ADCY1: variants seen among roughly 807,000 people sequenced by gnomAD.
ADCY1 encodes the protein adenylate cyclase type 1.
In ADCY1, 28 loss-of-function variants were observed where a neutral mutation model predicts 105.4. That is an observed-to-expected ratio of 0.27 (90% CI 0.20 to 0.36). The LOEUF is 0.36. ADCY1 is among the 10% of genes least tolerant of loss of function. The probability of loss-of-function intolerance (pLI) is 1.00; values close to 1 mark genes in which losing one functional copy is unlikely to be tolerated. For missense variants in ADCY1, 977 were observed against 1,434.2 expected, an observed-to-expected ratio of 0.68 and a Z score of 5.15; for synonymous variants, 655 against 623.8, an observed-to-expected ratio of 1.05 and a Z score of -0.75.
At chr7:45,677,784 G>C (rs1332086173) in intron 8 of ADCY1, 85 bp from the exon 9 acceptor site, 2 of 1,420,892 alleles carry the variant, frequency 1.4e-6, no homozygotes, top group Non-Finnish European at 1.9e-6. Context: ...CCCTGCAGCG[G>C]ATCTGGCTGG....
chr7:45,627,849 G>T (rs1432664750), intron 4 of ADCY1, among the ~76,000 whole-genome samples: 2 of 152,156 alleles, frequency 1.3e-5, no homozygotes, highest in African/African-American at 2.4e-5. Flanking sequence ...GAATCCACTC[G>T]TGGGGAGATG....
rs1330456869 is a variant in ADCY1, at chr7:45,717,880, ACT to A, written c.*3888_*3889del. ...TGGAACACCTGTCATAGAAGCAATA[ACT>A]CTAACTCTATACTGTAGAGATGAGT... On this transcript the variant is annotated 3_prime_UTR_variant, in exon 20 of 20. Coordinates refer to ENST00000297323, the MANE Select transcript of ADCY1 (RefSeq NM_021116.4). The A allele has an allele frequency of 1.3e-5, 2 of 152,578 alleles. No homozygotes were observed. Among genetic ancestry groups the A allele is most frequent in the Non-Finnish European group, 2.9e-5 (2 of 68,044 alleles). 9.5% of individuals were successfully genotyped at this position (152,578 alleles called of 1,614,324 possible).
chr7:45,668,032 A>T (rs565662053), intron 8 of ADCY1, among the ~76,000 whole-genome samples: 2 of 152,340 alleles, frequency 1.3e-5, no homozygotes, highest in South Asian at 4.1e-4. Context: ...TTTTGGGCTG[A>T]GATGATGGGG....
intron 4 of ADCY1, among the ~76,000 whole-genome samples, chr7:45,644,466 C>T (rs1794607541): frequency 6.6e-6 from 1 of 152,244 alleles, no homozygotes; most frequent in Non-Finnish European, 1.5e-5. Context: ...TGCAAGCTGG[C>T]CGCAGCTCTT....
intron 2 of ADCY1, among the ~76,000 whole-genome samples, chr7:45,601,869 A>G (rs986067771): frequency 1.3e-5 from 2 of 152,100 alleles, no homozygotes; most frequent in Non-Finnish European, 2.9e-5. Context: ...GAAACCCTCC[A>G]GCAGTGTGGA....
At chr7:45,586,007 T>G (rs1792711766) in intron 1 of ADCY1, among the ~76,000 whole-genome samples, 2 of 152,256 alleles carry the variant, frequency 1.3e-5, no homozygotes, top group Non-Finnish European at 2.9e-5. Flanking sequence ...GGGAGCGGAC[T>G]GTCTTTGATG....
chr7:45,668,087 G>T (rs1258101973), intron 8 of ADCY1, among the ~76,000 whole-genome samples: 1 of 152,216 alleles, frequency 6.6e-6, no homozygotes, highest in African/African-American at 2.4e-5. Context: ...GGGACAATTT[G>T]ACTTCCTCTT....
Position 45,686,789 on chromosome 7 carries a change from G to C in ADCY1, c.2454+116G>C. Reference sequence around the variant, plus strand: ...CCCACACGCCGTATGGCCCTCGGAGGGCCCTCCTCAGCAGCATGCAAGCCA... The same window carrying C: ...CCCACACGCCGTATGGCCCTCGGAGCGCCCTCCTCAGCAGCATGCAAGCCA... On this transcript the variant is annotated intron_variant, in intron 14 of 19. Coordinates refer to ENST00000297323, the MANE Select transcript of ADCY1 (RefSeq NM_021116.4). This position sits in a 1 kb window ranked among gnomAD's most constrained non-coding sequence, Gnocchi z 4.3. The C allele has an allele frequency of 7.0e-7, 1 of 1,419,184 alleles. No individual in the cohort carries two copies. The highest frequency in any genetic ancestry group is 9.3e-7 in the Non-Finnish European group (1 of 1,072,432). The allele number at this position is 1,419,184 out of a possible 1,614,324, so 87.9% of individuals were successfully genotyped here. A position where few individuals can be genotyped will look rare whatever the true frequency, so the allele number is the denominator to read the frequency against.
At chr7:45,709,539 C>G (rs895662733) in intron 18 of ADCY1, among the ~76,000 whole-genome samples, 1 of 152,336 alleles carries the variant, frequency 6.6e-6, no homozygotes, top group East Asian at 1.9e-4. Flanking sequence ...TGGGGTTCTT[C>G]TCTGAGTTTA....
chr7:45,670,492 G>A (rs969268267), intron 8 of ADCY1, among the ~76,000 whole-genome samples: 1 of 152,172 alleles, frequency 6.6e-6, no homozygotes, highest in South Asian at 2.1e-4. Context: ...ATGTCCATTA[G>A]CACCAACCGG....
chr7:45,651,948 G>GA (rs1794822673), intron 5 of ADCY1, among the ~76,000 whole-genome samples: 1 of 152,184 alleles, frequency 6.6e-6, no homozygotes, highest in Non-Finnish European at 1.5e-5. Flanking sequence ...CTGCTATAAA[G>GA]AACTACCTGA....
intron 8 of ADCY1, among the ~76,000 whole-genome samples, chr7:45,664,984 T>C (rs1252801597): frequency 1.3e-5 from 2 of 152,160 alleles, no homozygotes; most frequent in Non-Finnish European, 2.9e-5. Context: ...CCTGTATCCA[T>C]GTATTCTCAT....
chr7:45,663,784 A>C (rs968377449), intron 8 of ADCY1, among the ~76,000 whole-genome samples: 6 of 152,076 alleles, frequency 3.9e-5, no homozygotes, highest in African/African-American at 1.4e-4. Context: ...GTGCCACTGT[A>C]GTCCAGCCTG....
chr7:45,661,922 TG>T, intron 7 of ADCY1, 136 bp from the exon 8 acceptor site: 1 of 1,074,392 alleles, frequency 9.3e-7, no homozygotes, highest in Non-Finnish European at 1.3e-6. Context: ...CCCCAATGCC[TG>T]GCTTGAAGTA....
chr7:45,671,556 C>T (rs1433447693), intron 8 of ADCY1, among the ~76,000 whole-genome samples: 1 of 152,146 alleles, frequency 6.6e-6, no homozygotes, highest in African/African-American at 2.4e-5. Flanking sequence ...GGATCCAGTT[C>T]ATCTCCATCC....
At chr7:45,672,880 T>C (rs1784390852) in intron 8 of ADCY1, among the ~76,000 whole-genome samples, 1 of 152,198 alleles carries the variant, frequency 6.6e-6, no homozygotes, top group South Asian at 2.1e-4. Flanking sequence ...TCTTGTATTT[T>C]ATCCAGAGCA....
intron 14 of ADCY1, among the ~76,000 whole-genome samples, chr7:45,693,527 A>G (rs1263808249): frequency 6.8e-6 from 1 of 147,714 alleles, no homozygotes; most frequent in African/African-American, 2.5e-5. Flanking sequence ...TTATTGGTCT[A>G]TTCAGAGATT....
chr7:45,602,422 TG>T (rs1793265235), intron 2 of ADCY1, among the ~76,000 whole-genome samples: 1 of 152,138 alleles, frequency 6.6e-6, no homozygotes, highest in African/African-American at 2.4e-5. Flanking sequence ...TTCCATACTA[TG>T]GAGCTGGCCC....
At position 45,591,140 on chromosome 7, in the gene ADCY1, G is replaced by A. The variant is rs1385456755; in HGVS notation, c.640-1619G>A. Among the ~76,000 whole-genome samples the A allele has an allele frequency of 6.6e-6, 1 of 152,134 alleles. No individual in the cohort carries two copies. Among genetic ancestry groups the A allele is most frequent in the African/African-American group, 2.4e-5 (1 of 41,404 alleles). ...GCCTCCTGATGGATGTGCCTTTGAG[G>A]CTATGTCATACACCTCAGGTTTGAA... On this transcript the variant is annotated intron_variant, in intron 1 of 19. Transcript: ENST00000297323. This position sits in a 1 kb window ranked among gnomAD's most constrained non-coding sequence, Gnocchi z 4.1.
Sources: gnomAD v4.1 joint callset for allele counts (sites outside exome capture counted in the v4.1 genomes callset) on GRCh38, gnomAD v4.1.1 for gene constraint, Gnocchi (gnomAD v3.1) non-coding constraint, MANE v1.5 for transcripts, NCBI Gene and HGNC (gene_info 2026-07-23, HGNC 2026-07-21) for gene names.